The following NEDD4 variants were observed in gnomAD, a reference collection of about 807,000 sequenced individuals.
The protein encoded by NEDD4 is E3 ubiquitin-protein ligase NEDD4.
In NEDD4, 99 loss-of-function variants were observed where a neutral mutation model predicts 144.9. That is an observed-to-expected ratio of 0.68 (90% CI 0.58 to 0.81). NEDD4 has a LOEUF of 0.81. NEDD4 is among the 30% of genes least tolerant of loss of function. The probability of loss-of-function intolerance (pLI) is 0.00; values close to 1 mark genes in which losing one functional copy is unlikely to be tolerated. For missense variants in NEDD4, 985 were observed against 1,065.9 expected (o/e 0.92, Z 1.06); for synonymous variants, 318 against 350.6 (o/e 0.91, Z 1.04).
At chr15:55,973,553 T>A (rs2037648754) in intron 1 of NEDD4, among the ~76,000 whole-genome samples, 1 of 151,922 alleles carries the variant, frequency 6.6e-6, no homozygotes, top group Non-Finnish European at 1.5e-5. Flanking sequence ...GAAAAAAATT[T>A]AAAAAATTAA....
At chr15:55,840,424 T>C in intron 21 of NEDD4, 23 bp downstream of exon 21, 1 of 1,601,942 alleles carries the variant, frequency 6.2e-7, no homozygotes, top group Non-Finnish European at 8.5e-7. Context: ...ACTTCGTCTA[T>C]ACTATAAGTG....
At chr15:55,960,066 G>A (rs2037400710) in intron 2 of NEDD4, among the ~76,000 whole-genome samples, 1 of 152,020 alleles carries the variant, frequency 6.6e-6, no homozygotes, top group South Asian at 2.1e-4. Flanking sequence ...ACTGCCTCCT[G>A]GTAACCATCT....
chr15:55,890,642 T>C (rs1447805098), intron 5 of NEDD4, among the ~76,000 whole-genome samples: 2 of 152,216 alleles, frequency 1.3e-5, no homozygotes, highest in African/African-American at 4.8e-5. Flanking sequence ...CTATGAACAT[T>C]TGAGTAAAAG....
chr15:55,993,606 C>G lies in NEDD4; in HGVS notation c.-51G>C, dbSNP rs1395203343. ...CGCGCTCGCCCCCGCCCAGGGCAGG[C>G]AACTGTGGAGGAGGAGGAGGAGAAG... is the stretch of plus-strand genomic sequence containing the variant. On this transcript the variant is annotated 5_prime_UTR_variant, in exon 1 of 29. Coordinates refer to ENST00000435532, the MANE Select transcript of NEDD4 (RefSeq NM_006154.4). 6.3e-7 allele frequency: 1 copy of G among 1,578,682 alleles called. No individual in the cohort carries two copies. Among genetic ancestry groups the G allele is most frequent in the Admixed American group, 1.8e-5 (1 of 55,276 alleles).
intron 5 of NEDD4, among the ~76,000 whole-genome samples, chr15:55,914,827 T>C (rs1450477581): frequency 6.6e-6 from 1 of 151,962 alleles, no homozygotes; most frequent in Non-Finnish European, 1.5e-5. Context: ...ATATTTTAAA[T>C]AAGCATTCTA....
chr15:55,834,037 C>T lies in NEDD4; in HGVS notation c.2430+1G>A, dbSNP rs1177384916. 6.9e-6 allele frequency: 11 copies of T among 1,599,676 alleles called. No individual in the cohort carries two copies. Among genetic ancestry groups the T allele is most frequent in the Non-Finnish European group, 9.4e-6 (11 of 1,173,312 alleles). ...TTATGAAAATAGAAGTTTCAAATTA[C>T]CTTCCAAAACCACTGTATAACCTGA... is the stretch of plus-strand genomic sequence containing the variant. On this transcript the variant is annotated splice_donor_variant, in intron 26 of 28. Transcript: ENST00000435532. LOFTEE classifies it high-confidence loss of function.
At chr15:55,906,656 T>C (rs1183208377) in intron 5 of NEDD4, among the ~76,000 whole-genome samples, 1 of 151,796 alleles carries the variant, frequency 6.6e-6, no homozygotes, top group East Asian at 1.9e-4. Context: ...GGGGGAGGGA[T>C]AGCATTAGGT....
chr15:55,934,860 CTTTTTTTTTTTTTTT>C (rs564385465), intron 4 of NEDD4: 2 of 80,838 alleles, frequency 2.5e-5, no homozygotes, highest in Non-Finnish European at 4.3e-5. Context: ...CAATGTTCTG[CTTTTTTTTTTTTTTT>C]TTTTTTTTTT....
At chr15:55,850,455 C>G in intron 14 of NEDD4, 87 bp downstream of exon 14, 2 of 1,227,454 alleles carry the variant, frequency 1.6e-6, no homozygotes, top group Non-Finnish European at 2.3e-6. Flanking sequence ...ATAGGTTATA[C>G]TAATACATAC....
intron 4 of NEDD4, among the ~76,000 whole-genome samples, chr15:55,931,176 C>G (rs1400713491): frequency 2.0e-5 from 3 of 151,952 alleles, no homozygotes; most frequent in African/African-American, 7.3e-5. Context: ...TTATGTTCAC[C>G]CAAGAATCCT....
intron 24 of NEDD4, among the ~76,000 whole-genome samples, chr15:55,837,066 TA>T (rs1263216927): frequency 1.3e-5 from 2 of 152,134 alleles, no homozygotes; most frequent in African/African-American, 4.8e-5. Flanking sequence ...ATATTCTGAA[TA>T]AAATATAGCC....
intron 5 of NEDD4, among the ~76,000 whole-genome samples, chr15:55,877,909 A>G (rs150596721): frequency 6.6e-6 from 1 of 152,084 alleles, no homozygotes. Context: ...GTTTTTGTGC[A>G]TTTCTGATAT....
intron 1 of NEDD4, 36 bp from the exon 2 acceptor site, chr15:55,966,582 CT>C: frequency 7.8e-7 from 1 of 1,283,604 alleles, no homozygotes; most frequent in South Asian, 1.6e-5. Flanking sequence ...TTTTCATGTA[CT>C]TATAAGTTAA....
intron 8 of NEDD4, 133 bp from the exon 9 acceptor site, chr15:55,863,212 C>T (rs191228085): frequency 1.4e-6 from 1 of 714,258 alleles, no homozygotes; most frequent in Admixed American, 3.8e-5. Context: ...AATAAACAAT[C>T]CTCAACTTTT....
intron 2 of NEDD4, among the ~76,000 whole-genome samples, chr15:55,955,027 C>G (rs915076870): frequency 6.8e-6 from 1 of 147,152 alleles, no homozygotes; most frequent in Non-Finnish European, 1.5e-5. Context: ...GCACTGCATT[C>G]CAGCATTTTT....
intron 5 of NEDD4, among the ~76,000 whole-genome samples, chr15:55,882,221 G>A (rs1448875660): frequency 6.6e-6 from 1 of 152,198 alleles, no homozygotes. Flanking sequence ...AATCAGGTGA[G>A]CAATCACAGT....
chr15:55,961,257 G>C (rs770637557), intron 2 of NEDD4, among the ~76,000 whole-genome samples: 1 of 152,106 alleles, frequency 6.6e-6, no homozygotes, highest in Non-Finnish European at 1.5e-5. Flanking sequence ...AGTCTCATCA[G>C]GGCAGGGCTA....
At chr15:55,910,390 C>T (rs1169925757) in intron 5 of NEDD4, among the ~76,000 whole-genome samples, 1 of 152,062 alleles carries the variant, frequency 6.6e-6, no homozygotes, top group African/African-American at 2.4e-5. Flanking sequence ...CTGCTTTCCT[C>T]CTTCCCTCAC....
chr15:55,869,666 A>G lies in NEDD4; in HGVS notation c.420T>C (p.Val140=). ...VLHPRSHKSR[V]KGYLRLKMTY... ...TCATTTTTAGTCTCAGATAACCTTT[A>G]ACTCTTGATTTGTGACTGTAGAAAA... The change falls in exon 8 of 29, where the codon GTT becomes GTC. Residue 140 remains valine (V), a synonymous_variant. Transcript: ENST00000435532. The G allele has an allele frequency of 6.4e-7, 1 of 1,553,460 alleles. No individual in the cohort carries two copies. The highest frequency in any genetic ancestry group is 1.4e-5 in the African/African-American group (1 of 73,544).
Sources: allele counts gnomAD v4.1 joint callset (sites outside exome capture counted in the v4.1 genomes callset), GRCh38; gene constraint gnomAD v4.1.1; transcripts MANE v1.5; gene names NCBI Gene and HGNC (gene_info 2026-07-23, HGNC 2026-07-21).